DKK2: variants seen among roughly 807,000 people sequenced by gnomAD.
The protein encoded by DKK2 is dickkopf-related protein 2.
Under a neutral mutation model 28.1 loss-of-function variants are expected in DKK2, and 11 were observed. The ratio of observed to expected loss-of-function variants is 0.39; its 90% CI spans 0.25 to 0.65. The LOEUF (loss-of-function observed/expected upper bound fraction) is 0.65. Ranked by LOEUF, DKK2 falls within the 30% of genes least tolerant of loss-of-function variation. The probability of loss-of-function intolerance (pLI) is 0.47; values close to 1 mark genes in which losing one functional copy is unlikely to be tolerated. For synonymous variants in DKK2, 135 were observed against 126.5 expected (o/e 1.07, Z -0.45); for missense variants, 326 against 335.5 (o/e 0.97, Z 0.22).
At chr4:106,952,739 A>C (rs1214310234) in intron 1 of DKK2, among the ~76,000 whole-genome samples, 1 of 152,162 alleles carries the variant, frequency 6.6e-6, no homozygotes, top group Non-Finnish European at 1.5e-5. Context: ...GAAATAAAAA[A>C]CTAGAAGTCA....
intron 1 of DKK2, among the ~76,000 whole-genome samples, chr4:106,990,233 T>C (rs1194050824): frequency 6.6e-6 from 1 of 152,368 alleles, no homozygotes; most frequent in East Asian, 1.9e-4. Flanking sequence ...CACACCACTA[T>C]GACAGTCCCA....
At chr4:106,975,349 T>G (rs942935291) in intron 1 of DKK2, among the ~76,000 whole-genome samples, 1 of 152,202 alleles carries the variant, frequency 6.6e-6, no homozygotes, top group Non-Finnish European at 1.5e-5. Flanking sequence ...CTGGTAGAAT[T>G]CGGCTGTGAA....
chr4:106,943,983 A>T (rs1302106346), intron 1 of DKK2, among the ~76,000 whole-genome samples: 1 of 151,982 alleles, frequency 6.6e-6, no homozygotes, highest in Non-Finnish European at 1.5e-5. Flanking sequence ...CTTGTCACTA[A>T]ATATATTTCT....
chr4:106,932,161 A>G (rs1269933287), intron 1 of DKK2, among the ~76,000 whole-genome samples: 3 of 152,282 alleles, frequency 2.0e-5, no homozygotes, highest in Non-Finnish European at 2.9e-5. Context: ...CCTTTTACAC[A>G]TGTTCATTTT....
At chr4:107,019,322 C>T (rs1723658333) in intron 1 of DKK2, among the ~76,000 whole-genome samples, 2 of 152,018 alleles carry the variant, frequency 1.3e-5, no homozygotes, top group South Asian at 4.1e-4. Context: ...AACTGAGTCA[C>T]ATGGGATCAC....
intron 1 of DKK2, among the ~76,000 whole-genome samples, chr4:106,938,168 A>C (rs1212014649): frequency 1.3e-5 from 2 of 148,956 alleles, no homozygotes; most frequent in African/African-American, 2.5e-5. Flanking sequence ...CAAAAAATTA[A>C]TGAATCCAGG....
In DKK2 at chr4:106,991,245, G is replaced by A. The variant is rs796884663; in HGVS notation, c.222+44125C>T. Among the ~76,000 whole-genome samples, 38 of 152,034 alleles carry A rather than the reference G, an allele frequency of 2.5e-4. 1 individual carries two copies. Among genetic ancestry groups the A allele is most frequent in the African/African-American group, 9.2e-4 (38 of 41,486 alleles). ...TTTTTCATCCTCCATTTTTGGAATT[G>A]CCCAGGTTTGTACACCTACAATCTA... On this transcript the variant is annotated intron_variant, in intron 1 of 3. Coordinates refer to ENST00000285311, the MANE Select transcript of DKK2 (RefSeq NM_014421.3).
At chr4:106,936,208 A>G (rs554742259) in intron 1 of DKK2, among the ~76,000 whole-genome samples, 105 of 152,192 alleles carry the variant, frequency 6.9e-4, no homozygotes, top group African/African-American at 2.5e-3. Context: ...AAAGAAGTTG[A>G]AAACTTTGAA....
intron 1 of DKK2, among the ~76,000 whole-genome samples, chr4:107,020,376 T>G (rs1391484498): frequency 6.6e-6 from 1 of 152,016 alleles, no homozygotes; most frequent in African/African-American, 2.4e-5. Context: ...TCCTGGAAAG[T>G]GATGGGAAGA....
At chr4:106,977,217 G>A (rs867010101) in intron 1 of DKK2, among the ~76,000 whole-genome samples, 1 of 152,002 alleles carries the variant, frequency 6.6e-6, no homozygotes, top group Non-Finnish European at 1.5e-5. Flanking sequence ...ATTATGTGTC[G>A]TGGGGTTGCT....
At chr4:107,003,741 T>C (rs1339888548) in intron 1 of DKK2, among the ~76,000 whole-genome samples, 1 of 152,200 alleles carries the variant, frequency 6.6e-6, no homozygotes, top group Non-Finnish European at 1.5e-5. Flanking sequence ...AAAACTAACC[T>C]GTCTCAGGAC....
chr4:106,925,868 C>T lies in DKK2; in HGVS notation c.304G>A (p.Val102Met). 6.2e-7 allele frequency: 1 copy of T among 1,613,818 alleles called. No homozygotes were observed. Among genetic ancestry groups the T allele is most frequent in the Non-Finnish European group, 8.5e-7 (1 of 1,179,912 alleles). Residue 102 changes from valine (V) to methionine (M), a missense_variant, in exon 2 of 4, where the codon GTG (valine) becomes ATG (methionine). Physicochemically the swap from Val to Met is conservative, Grantham distance 21 (BLOSUM62 1). Transcript: ENST00000285311. Reference protein sequence around the residue: ...SPHQGSSACMVCRRKKKRCHR... With the variant: ...SPHQGSSACMMCRRKKKRCHR... ...CAGCGCTTCTTTTTTCTCCGACACACCATGCAGGCCGATGATCCTTGGTGG... is the reference window on the plus strand; with the variant it reads ...CAGCGCTTCTTTTTTCTCCGACACATCATGCAGGCCGATGATCCTTGGTGG...
At chr4:106,957,430 G>A (rs542897276) in intron 1 of DKK2, among the ~76,000 whole-genome samples, 2 of 152,120 alleles carry the variant, frequency 1.3e-5, no homozygotes, top group South Asian at 4.2e-4. Flanking sequence ...TATAAATCAT[G>A]CTGCTGTAAA....
intron 1 of DKK2, among the ~76,000 whole-genome samples, chr4:107,034,067 A>G (rs1723920746): frequency 6.6e-6 from 1 of 152,174 alleles, no homozygotes; most frequent in South Asian, 2.1e-4. Context: ...CTCTGGGAAG[A>G]GTTCTGGAAC....
At chr4:106,964,154 CAATAG>C (rs1485972938) in intron 1 of DKK2, among the ~76,000 whole-genome samples, 1 of 152,016 alleles carries the variant, frequency 6.6e-6, no homozygotes, top group Admixed American at 6.6e-5. Context: ...GAAATTAATA[CAATAG>C]AAGATTATTC....
At chr4:106,958,660 A>T (rs1340845577) in intron 1 of DKK2, among the ~76,000 whole-genome samples, 2 of 151,802 alleles carry the variant, frequency 1.3e-5, no homozygotes, top group African/African-American at 4.8e-5. Context: ...ACATGGTGAA[A>T]CCCCGTCTCT....
chr4:107,008,014 A>G (rs1220468960), intron 1 of DKK2, among the ~76,000 whole-genome samples: 1 of 151,956 alleles, frequency 6.6e-6, no homozygotes, highest in Non-Finnish European at 1.5e-5. Context: ...CCTGGCAAAA[A>G]CTTGTTTGAT....
chr4:106,983,375 G>GAAAGAAAGAAAGA (rs1560585861), intron 1 of DKK2, among the ~76,000 whole-genome samples: 2 of 115,096 alleles, frequency 1.7e-5, no homozygotes, highest in African/African-American at 7.2e-5. Context: ...AAAGAAGAAA[G>GAAAGAAAGAAAGA]AAAAGAAAGA....
At chr4:106,952,271 G>A (rs755632980) in intron 1 of DKK2, among the ~76,000 whole-genome samples, 71 of 152,050 alleles carry the variant, frequency 4.7e-4, no homozygotes, top group Non-Finnish European at 8.7e-4. Flanking sequence ...GTATGTCGTA[G>A]GCTGTTTTAA....
Sources: gnomAD v4.1 joint callset for allele counts (sites outside exome capture counted in the v4.1 genomes callset) on GRCh38, gnomAD v4.1.1 for gene constraint, MANE v1.5 for transcripts, NCBI Gene and HGNC (gene_info 2026-07-23, HGNC 2026-07-21) for gene names.